XRN1: variants seen among roughly 807,000 people sequenced by gnomAD.
XRN1 encodes the protein strand-exchange protein 1 homolog.
XRN1 carries 67 observed loss-of-function variants against 222.3 expected under a neutral mutation model. The ratio of observed to expected loss-of-function variants is 0.30; its 90% confidence interval spans 0.25 to 0.37. The LOEUF is 0.37. XRN1 is among the 10% of genes least tolerant of loss of function. The probability of loss-of-function intolerance (pLI) is 1.00; values close to 1 mark genes in which losing one functional copy is unlikely to be tolerated. For missense variants in XRN1, 1,707 were observed against 2,000.2 expected (o/e 0.85, Z 2.80); for synonymous variants, 643 against 652.4 (o/e 0.99, Z 0.22).
chr3:142,379,985 A>G, intron 23 of XRN1, 97 bp downstream of exon 23: 1 of 886,380 alleles, frequency 1.1e-6, no homozygotes. Context: ...TTATTAAATA[A>G]AATATCTGAA....
chr3:142,366,340 T>A (rs774887967), intron 27 of XRN1, among the ~76,000 whole-genome samples: 8 of 152,176 alleles, frequency 5.3e-5, no homozygotes, highest in Non-Finnish European at 1.0e-4. Context: ...GGCTATAGAA[T>A]CCATAAACTA....
In XRN1 at chr3:142,365,316, T is replaced by G. The variant is rs781234548; in HGVS notation, c.3255A>C (p.Leu1085=). 1 of 1,591,122 alleles carries G rather than the reference T, an allele frequency of 6.3e-7. No homozygotes were observed. The highest frequency in any genetic ancestry group is 1.3e-5 in the African/African-American group (1 of 74,456). ...TCTTTGATAGGAAACTTACTCTGTA[T>G]AGCAAATGGGGTTTCACTGTTACTC... ...KVRVTVKPHL[L]YRPLEQQHGV... is the part of the protein sequence containing the mutation. Residue 1085 remains leucine, a synonymous_variant, in exon 28 of 41, where the codon CTA becomes CTC. Coordinates refer to ENST00000392981, the MANE Select transcript of XRN1 (RefSeq NM_001282857.2).
Position 142,309,311 on chromosome 3 carries a change from C to A in XRN1, c.*2200G>T, listed in dbSNP as rs2065031483. The A allele has an allele frequency of 1.3e-5, 2 of 152,192 alleles. No individual in the cohort carries two copies. The highest frequency in any genetic ancestry group is 4.1e-4 in the South Asian group (2 of 4,822). 9.4% of individuals were successfully genotyped at this position (152,192 alleles called of 1,614,324 possible). A position where few individuals can be genotyped will look rare whatever the true frequency, so the allele number is the denominator to read the frequency against. On this transcript the variant is annotated 3_prime_UTR_variant, in exon 41 of 41. Transcript: ENST00000392981. ...CAATCTCGGCTCACTGCAGACTCTG[C>A]CTCGCGGGTTCAAATGATTCTCATG...
intron 19 of XRN1, among the ~76,000 whole-genome samples, chr3:142,399,954 A>C (rs899047712): frequency 6.6e-6 from 1 of 151,930 alleles, no homozygotes; most frequent in Non-Finnish European, 1.5e-5. Flanking sequence ...TGAAATAATA[A>C]AAAAACGACA....
intron 1 of XRN1, among the ~76,000 whole-genome samples, chr3:142,438,081 C>T (rs2070003254): frequency 6.6e-6 from 1 of 152,176 alleles, no homozygotes; most frequent in African/African-American, 2.4e-5. Context: ...AGGGAACCCT[C>T]ATACACTGTT....
At chr3:142,441,660 C>G (rs531058557) in intron 1 of XRN1, among the ~76,000 whole-genome samples, 3 of 152,212 alleles carry the variant, frequency 2.0e-5, no homozygotes, top group African/African-American at 4.8e-5. Context: ...GGTATACTCA[C>G]TGCTAAAGGA....
chr3:142,404,162 T>C (rs140310660), intron 16 of XRN1, among the ~76,000 whole-genome samples, 173 bp from the exon 17 acceptor site: 266 of 152,270 alleles, frequency 1.7e-3, no homozygotes, highest in African/African-American at 6.2e-3. Context: ...CTATTGTTAC[T>C]GGTCTAGACA....
intron 16 of XRN1, among the ~76,000 whole-genome samples, chr3:142,404,575 A>G (rs1224631360): frequency 2.0e-5 from 3 of 152,206 alleles, no homozygotes; most frequent in Non-Finnish European, 2.9e-5. Context: ...GGGAGCAGAA[A>G]CACTGACAAT....
chr3:142,371,289 T>C lies in XRN1; in HGVS notation c.3018A>G (p.Gln1006=), dbSNP rs745341821. The C allele has an allele frequency of 1.9e-6, 3 of 1,613,300 alleles. No individual in the cohort carries two copies. The African/African-American group carries it at 4.0e-5, about 22-fold the overall frequency. The stretch of plus-strand genomic sequence containing the variant: ...TGTCATCTTCATAGAACACATCCTC[T>C]TGGCTATTTTTGGCTATATAACTAA... ...ELFSYIAKNS[Q]EDVFYEDDIW... The change falls in exon 26 of 41, where the codon CAA becomes CAG. Residue 1006 remains glutamine (Q), a synonymous_variant. Transcript: ENST00000392981.
chr3:142,422,132 T>TGA (rs2069059281), intron 8 of XRN1, among the ~76,000 whole-genome samples: 1 of 152,070 alleles, frequency 6.6e-6, no homozygotes, highest in African/African-American at 2.4e-5. Flanking sequence ...GGCCGAAGTT[T>TGA]GAGACCAGCC....
intron 32 of XRN1, among the ~76,000 whole-genome samples, chr3:142,350,751 G>A (rs1577268475): frequency 1.3e-5 from 2 of 152,188 alleles, no homozygotes; most frequent in South Asian, 4.2e-4. Context: ...TGGATATGAG[G>A]GTAAAAGAGA....
chr3:142,332,942 A>G (rs2065743638), intron 35 of XRN1, 25 bp downstream of exon 35: 1 of 1,610,976 alleles, frequency 6.2e-7, no homozygotes, highest in Non-Finnish European at 8.5e-7. Context: ...TTACCACAGT[A>G]AGAAAGTTCC....
intron 1 of XRN1, among the ~76,000 whole-genome samples, chr3:142,444,710 T>C (rs1479202099): frequency 6.6e-6 from 1 of 152,166 alleles, no homozygotes; most frequent in Admixed American, 6.5e-5. Flanking sequence ...AGAGTGTAAT[T>C]AGATTTTAAC....
Position 142,329,537 on chromosome 3 carries a change from G to A in XRN1, c.4301C>T (p.Pro1434Leu), listed in dbSNP as rs1040460667. Residue 1434 changes from proline to leucine, a missense_variant, in exon 37 of 41, where the codon CCC (proline) becomes CTC (leucine). Around this residue, in one of 2 missense-constraint regions of XRN1, gnomAD observed 473 missense variants for 482.0 expected, o/e 0.98. Transcript: ENST00000392981. ...TGTGGATACAGGAGGGATCTGGCTGGGGGCAGGCCAACACATATTGTCCAT... is the reference window on the plus strand; with the variant it reads ...TGTGGATACAGGAGGGATCTGGCTGAGGGCAGGCCAACACATATTGTCCAT... ...QSMDNMCWPA[P>L]SQIPPVSTPV... The A allele has an allele frequency of 6.2e-7, 1 of 1,601,158 alleles. No individual in the cohort carries two copies. The highest frequency in any genetic ancestry group is 2.3e-5 in the East Asian group (1 of 44,104).
At chr3:142,354,199 T>C (rs1314066997) in intron 32 of XRN1, among the ~76,000 whole-genome samples, 1 of 152,144 alleles carries the variant, frequency 6.6e-6, no homozygotes, top group Non-Finnish European at 1.5e-5. Context: ...TCAACATCAC[T>C]AATTATCAGA....
chr3:142,354,886 T>C (rs149104811), intron 32 of XRN1, among the ~76,000 whole-genome samples: 2 of 152,262 alleles, frequency 1.3e-5, no homozygotes, highest in Admixed American at 1.3e-4. Context: ...TGGAATACTA[T>C]GCAGTCATAA....
intron 13 of XRN1, 49 bp from the exon 14 acceptor site, chr3:142,414,340 G>C (rs372429770): frequency 8.6e-6 from 12 of 1,391,670 alleles, no homozygotes; most frequent in African/African-American, 1.5e-5. Flanking sequence ...TATGAATTAG[G>C]TTAATAATAA....
intron 39 of XRN1, chr3:142,313,178 CA>C: frequency 1.9e-6 from 3 of 1,611,670 alleles, no homozygotes; most frequent in Admixed American, 1.7e-5. Flanking sequence ...TCCCAGCCTA[CA>C]AAAAAACCAA....
rs747125080 is a variant in XRN1, at chr3:142,418,845, T to C, written c.1210A>G (p.Lys404Glu). The C allele has an allele frequency of 6.2e-7, 1 of 1,614,066 alleles. No individual in the cohort carries two copies. Among genetic ancestry groups the C allele is most frequent in the Non-Finnish European group, 8.5e-7 (1 of 1,179,954 alleles). The change falls in exon 11 of 41, where the codon AAA becomes GAA. Residue 404 changes from lysine to glutamate, a missense_variant. Lys to Glu is a moderately conservative substitution (Grantham distance 56, BLOSUM62 1). Around this residue, in one of 2 missense-constraint regions of XRN1, gnomAD observed 1,234 missense variants for 1,518.2 expected, o/e 0.81. Transcript: ENST00000392981. ...GAAGTTATCATTTCGCCTTCATTTTTGTCTAAAGCAGTCCAACACAGAGAA... is the reference window on the plus strand; with the variant it reads ...GAAGTTATCATTTCGCCTTCATTTTCGTCTAAAGCAGTCCAACACAGAGAA... ...ENSLCWTALD[K>E]NEGEMITSKD... is the part of the protein sequence containing the mutation.
Sources: allele counts gnomAD v4.1 joint callset (sites outside exome capture counted in the v4.1 genomes callset), GRCh38; gene constraint gnomAD v4.1.1; regional missense constraint gnomAD v4.1.1; transcripts MANE v1.5; gene names NCBI Gene and HGNC (gene_info 2026-07-23, HGNC 2026-07-21).